Variants in CACNA1C observed in about 807,000 individuals in gnomAD.
CACNA1C encodes voltage-dependent L-type calcium channel subunit alpha-1C.
In CACNA1C, 30 loss-of-function variants were observed where a neutral mutation model predicts 229.0. The ratio of observed to expected loss-of-function variants is 0.13; its 90% CI spans 0.10 to 0.18. The LOEUF (loss-of-function observed/expected upper bound fraction) is 0.18, where lower values mean the gene tolerates loss of function less well. CACNA1C is among the 10% of genes least tolerant of loss of function. The pLI is 1.00. For synonymous variants in CACNA1C, 1,114 were observed against 1,132.5 expected, an observed-to-expected ratio of 0.98 and a Z score of 0.33; for missense variants, 1,658 against 2,845.0, an observed-to-expected ratio of 0.58 and a Z score of 9.49.
chr12:2,509,520 C>A (rs1209009214), intron 8 of CACNA1C, among the ~76,000 whole-genome samples: 1 of 152,130 alleles, frequency 6.6e-6, no homozygotes, highest in African/African-American at 2.4e-5. Context: ...TTTAAAGACA[C>A]CTTATTTAAT....
chr12:2,267,998 C>A lies in CACNA1C; in HGVS notation c.477+147568C>A, dbSNP rs147003281. Reference sequence around the variant, plus strand: ...AAAACAGGTTTTTTTGTGTGTTTTTCCCCCTGTTGTCATCTAAGAAGCAGG... The same window carrying A: ...AAAACAGGTTTTTTTGTGTGTTTTTACCCCTGTTGTCATCTAAGAAGCAGG... On this transcript the variant is annotated intron_variant, in intron 3 of 46. Coordinates refer to ENST00000399655, the MANE Select transcript of CACNA1C (RefSeq NM_000719.7). 2.5e-3 allele frequency among the ~76,000 whole-genome samples: 387 copies of A among 152,246 alleles called. 2 individuals are homozygous for A. The highest frequency in any genetic ancestry group is 9.0e-3 in the African/African-American group (374 of 41,542).
chr12:2,468,356 G>T (rs2154567184), intron 5 of CACNA1C, among the ~76,000 whole-genome samples: 1 of 152,304 alleles, frequency 6.6e-6, no homozygotes, highest in South Asian at 2.1e-4. Context: ...AAATGTTAGG[G>T]TTACCTCCAA....
At chr12:2,540,238 A>G (rs1177497855) in intron 9 of CACNA1C, among the ~76,000 whole-genome samples, 1 of 152,196 alleles carries the variant, frequency 6.6e-6, no homozygotes, top group Non-Finnish European at 1.5e-5. Context: ...ACAGACTCTC[A>G]ACTGTCCGGC....
chr12:2,339,968 T>A (rs2096814937), intron 3 of CACNA1C, among the ~76,000 whole-genome samples: 1 of 152,206 alleles, frequency 6.6e-6, no homozygotes, highest in Admixed American at 6.5e-5. Flanking sequence ...TAAAAAAGAA[T>A]CCTACTACAC....
chr12:2,431,001 T>C (rs2099077803), intron 3 of CACNA1C, among the ~76,000 whole-genome samples: 1 of 152,220 alleles, frequency 6.6e-6, no homozygotes, highest in Non-Finnish European at 1.5e-5. Flanking sequence ...CGCTCTGCAC[T>C]TCCTGCCCTG....
rs560223439 is a variant in CACNA1C, at chr12:2,381,885, G to A, written c.478-67091G>A. On this transcript the variant is annotated intron_variant, in intron 3 of 46. Transcript: ENST00000399655. ...AGTCCTTGGAGGTATCCTGGGAGAA[G>A]ATAGAAACAACTCTGAGAATCAGAA... 1.1e-4 allele frequency among the ~76,000 whole-genome samples: 17 copies of A among 152,348 alleles called. No individual in the cohort carries two copies. The South Asian group carries it at 3.5e-3, about 32-fold the overall frequency.
intron 3 of CACNA1C, among the ~76,000 whole-genome samples, chr12:2,370,267 T>C (rs1227440655): frequency 6.6e-6 from 1 of 152,194 alleles, no homozygotes; most frequent in South Asian, 2.1e-4. Flanking sequence ...TAGAAAAAAG[T>C]TATAACCTTT....
chr12:2,392,382 A>G lies in CACNA1C; in HGVS notation c.478-56594A>G, dbSNP rs76604410. On this transcript the variant is annotated intron_variant, in intron 3 of 46. Coordinates refer to ENST00000399655, the MANE Select transcript of CACNA1C (RefSeq NM_000719.7). ...GAGCTCGTTAGGGAAATTTAGCACCATAGCCCCTTCCTTCCAGGAAGCTGC... is the reference window on the plus strand; with the variant it reads ...GAGCTCGTTAGGGAAATTTAGCACCGTAGCCCCTTCCTTCCAGGAAGCTGC... Among the ~76,000 whole-genome samples the G allele has an allele frequency of 8.3e-3, 1,269 of 152,278 alleles. 6 individuals are homozygous for G. Among genetic ancestry groups the G allele is most frequent in the Non-Finnish European group, 0.014 (969 of 68,026 alleles).
At chr12:2,042,712 G>A (rs756285603) in intron 1 of CACNA1C, among the ~76,000 whole-genome samples, 4 of 152,188 alleles carry the variant, frequency 2.6e-5, no homozygotes, top group Non-Finnish European at 5.9e-5. Context: ...AGAAGCGGCA[G>A]GTGGGCTCCA....
intron 45 of CACNA1C, among the ~76,000 whole-genome samples, chr12:2,687,730 G>A (rs2097581678): frequency 6.6e-6 from 1 of 152,124 alleles, no homozygotes; most frequent in Non-Finnish European, 1.5e-5. Flanking sequence ...GTAGAGACTG[G>A]GTTACTCCGT....
At chr12:2,652,519 C>G (rs923491908) in intron 32 of CACNA1C, among the ~76,000 whole-genome samples, 3 of 152,388 alleles carry the variant, frequency 2.0e-5, no homozygotes, top group African/African-American at 4.8e-5. Context: ...TCTCTCCCCC[C>G]ATGGAGGGGC....
intron 3 of CACNA1C, among the ~76,000 whole-genome samples, chr12:2,225,134 A>G (rs547203512): frequency 6.6e-6 from 1 of 152,336 alleles, no homozygotes; most frequent in Non-Finnish European, 1.5e-5. Context: ...CATCTGTGAG[A>G]CATTGCTCAC....
chr12:2,376,250 G>A (rs1410499328), intron 3 of CACNA1C, among the ~76,000 whole-genome samples: 3 of 152,166 alleles, frequency 2.0e-5, no homozygotes, highest in South Asian at 2.1e-4. Flanking sequence ...CCAGGTCGGA[G>A]TCATGGCTTT....
rs1023480931 is a variant in CACNA1C at position 2,647,009 on chromosome 12, A to G, written c.3913-1466A>G. Reference sequence around the variant, plus strand: ...TCTTTCTCCTCCCTCACCTCACCCTATATCTCCACCATCCCCTAAAAGGGC... The same window carrying G: ...TCTTTCTCCTCCCTCACCTCACCCTGTATCTCCACCATCCCCTAAAAGGGC... On this transcript the variant is annotated intron_variant, in intron 30 of 46. Coordinates refer to ENST00000399655, the MANE Select transcript of CACNA1C (RefSeq NM_000719.7). The surrounding 1 kb of genome is among the most constrained non-coding windows in gnomAD (Gnocchi z 4.2). 3.0e-4 allele frequency among the ~76,000 whole-genome samples: 45 copies of G among 152,128 alleles called. 1 individual carries two copies. Among genetic ancestry groups the G allele is most frequent in the Middle Eastern group, 3.4e-3 (1 of 294 alleles).
intron 3 of CACNA1C, among the ~76,000 whole-genome samples, chr12:2,148,225 T>G (rs2094901965): frequency 6.6e-6 from 1 of 151,214 alleles, no homozygotes; most frequent in Non-Finnish European, 1.5e-5. Context: ...TGAACTAAAC[T>G]CCCTGTTGCC....
intron 9 of CACNA1C, among the ~76,000 whole-genome samples, chr12:2,521,866 C>G (rs1481628156): frequency 6.6e-6 from 1 of 152,202 alleles, no homozygotes; most frequent in Non-Finnish European, 1.5e-5. Flanking sequence ...GTGTCACTCC[C>G]TTGTTCAAAA....
chr12:2,665,105 T>C lies in CACNA1C; in HGVS notation c.4398+115T>C. On this transcript the variant is annotated intron_variant, in intron 35 of 46. Coordinates refer to ENST00000399655, the MANE Select transcript of CACNA1C (RefSeq NM_000719.7). This position sits in a 1 kb window ranked among gnomAD's most constrained non-coding sequence, Gnocchi z 5.9. ...GGCAACCCTATCAGAGGAGCTGGCTTGGGAAGACTAAGTTGGCAGGAGTGT... is the reference window on the plus strand; with the variant it reads ...GGCAACCCTATCAGAGGAGCTGGCTCGGGAAGACTAAGTTGGCAGGAGTGT... The C allele has an allele frequency of 1.8e-6, 2 of 1,126,536 alleles. No homozygotes were observed. The highest frequency in any genetic ancestry group is 4.9e-5 in the East Asian group (2 of 40,862). The allele number at this position is 1,126,536 out of a possible 1,614,324, so 69.8% of individuals were successfully genotyped here. A position where few individuals can be genotyped will look rare whatever the true frequency, so the allele number is the denominator to read the frequency against.
At position 2,504,447 on chromosome 12, in the gene CACNA1C, T is replaced by C. The variant is rs776632764; in HGVS notation, c.1114-395T>C. Reference sequence around the variant, plus strand: ...CTTCGTCTTTCCAGATGCAGGACGCTATGGGCTATGAGTTACCCTGGGTGT... The same window carrying C: ...CTTCGTCTTTCCAGATGCAGGACGCCATGGGCTATGAGTTACCCTGGGTGT... On this transcript the variant is annotated intron_variant, in intron 7 of 46. Transcript: ENST00000399655. This position sits in a 1 kb window ranked among gnomAD's most constrained non-coding sequence, Gnocchi z 6.8. The C allele has an allele frequency of 1.9e-6, 3 of 1,598,182 alleles. No homozygotes were observed. The South Asian group carries it at 3.3e-5, about 18-fold the overall frequency.
At chr12:2,004,196 C>T (rs146792885) in intron 1 of CACNA1C, 5 of 1,564,454 alleles carry the variant, frequency 3.2e-6, no homozygotes, top group Non-Finnish European at 3.5e-6. Context: ...TCTCCTCCCC[C>T]TCACCGGGTC....
Sources: gnomAD v4.1 joint callset for allele counts (sites outside exome capture counted in the v4.1 genomes callset) on GRCh38, gnomAD v4.1.1 for gene constraint, Gnocchi (gnomAD v3.1) non-coding constraint, MANE v1.5 for transcripts, NCBI Gene and HGNC (gene_info 2026-07-23, HGNC 2026-07-21) for gene names.